Variants in PCM1 observed in about 807,000 individuals in gnomAD.
PCM1 encodes pericentriolar material 1 protein.
PCM1 carries 157 observed loss-of-function variants against 241.9 expected under a neutral mutation model. The observed-to-expected ratio is 0.65, with a 90% CI of 0.57 to 0.74. The LOEUF (loss-of-function observed/expected upper bound fraction) is 0.74, where lower values mean the gene tolerates loss of function less well. Among genes scored for constraint, PCM1 ranks in the 30% least tolerant of loss-of-function variants. The pLI is 0.00. For missense variants in PCM1, 3,478 were observed against 2,360.1 expected (o/e 1.47, Z -9.81); for synonymous variants, 1,085 against 784.9 (o/e 1.38, Z -6.39).
At chr8:18,010,106 A>G (rs1403603020) in intron 31 of PCM1, among the ~76,000 whole-genome samples, 2 of 152,224 alleles carry the variant, frequency 1.3e-5, no homozygotes, top group African/African-American at 2.4e-5. Flanking sequence ...CTTCGAGAAT[A>G]TGCATTACCC....
intron 38 of PCM1, 28 bp downstream of exon 38, chr8:18,025,686 A>G (rs373206515): frequency 1.4e-5 from 18 of 1,276,474 alleles, no homozygotes; most frequent in Middle Eastern, 4.1e-4. Flanking sequence ...AAATCTTGCC[A>G]TATTGAAAAA....
At chr8:17,940,889 A>G (rs2061809984) in intron 6 of PCM1, among the ~76,000 whole-genome samples, 1 of 152,190 alleles carries the variant, frequency 6.6e-6, no homozygotes, top group Non-Finnish European at 1.5e-5. Context: ...AACACCTATT[A>G]CAGGCTAGTA....
At chr8:17,955,804 G>T (rs2068099677) in intron 10 of PCM1, 151 bp downstream of exon 10, 2 of 654,432 alleles carry the variant, frequency 3.1e-6, no homozygotes, top group South Asian at 3.7e-5. Context: ...TGTGTGTGTT[G>T]TGTGGGCATA....
intron 18 of PCM1, among the ~76,000 whole-genome samples, 172 bp from the exon 19 acceptor site, chr8:17,965,827 T>G (rs778465790): frequency 2.0e-5 from 3 of 152,262 alleles, no homozygotes; most frequent in Non-Finnish European, 2.9e-5. Context: ...CTAATAATTG[T>G]ACAAAGCTAA....
At position 17,935,626 on chromosome 8, in the gene PCM1, G is replaced by A; in HGVS notation, c.16G>A (p.Gly6Ser). 1 of 1,522,332 alleles carries A rather than the reference G, an allele frequency of 6.6e-7. No individual in the cohort carries two copies. Among genetic ancestry groups the A allele is most frequent in the Non-Finnish European group, 9.1e-7 (1 of 1,096,894 alleles). The allele number at this position is 1,522,332 out of a possible 1,614,324, so 94.3% of individuals were successfully genotyped here. The change falls in exon 3 of 39, where the codon GGT becomes AGT. Residue 6 changes from glycine (G) to serine (S), a missense_variant. Physicochemically the swap from Gly to Ser is moderately conservative, Grantham distance 56. Coordinates refer to ENST00000325083, the MANE Select transcript of PCM1 (RefSeq NM_006197.4). Reference protein sequence around the residue: MATGGGPFEDGMNDQD... With the variant: MATGGSPFEDGMNDQD... ...TAAATCCAGTATGGCCACAGGAGGA[G>A]GTCCCTTTGAAGATGGCATGAATGA...
rs1291930258 is a variant in PCM1, at chr8:17,939,556, T to A, written c.613-135T>A. On this transcript the variant is annotated intron_variant, in intron 5 of 38. Transcript: ENST00000325083. ...ATTCAGATTTTTTGCATGTGTTAATTCACACAATAATCCAAGTGTCTTTGG... is the reference window on the plus strand; with the variant it reads ...ATTCAGATTTTTTGCATGTGTTAATACACACAATAATCCAAGTGTCTTTGG... 1.1e-5 allele frequency: 5 copies of A among 463,934 alleles called. No homozygotes were observed. The East Asian group carries it at 1.7e-4, about 15-fold the overall frequency. The allele number at this position is 463,934 out of a possible 1,614,324, so 28.7% of individuals were successfully genotyped here. A position where few individuals can be genotyped will look rare whatever the true frequency, so the allele number is the denominator to read the frequency against.
intron 18 of PCM1, 59 bp downstream of exon 18, chr8:17,964,827 A>T: frequency 7.9e-7 from 1 of 1,268,850 alleles, no homozygotes; most frequent in Non-Finnish European, 1.1e-6. Context: ...TTTTTGACTG[A>T]CAGCAAGCAC....
chr8:17,985,313 A>T, intron 24 of PCM1, 134 bp from the exon 25 acceptor site: 1 of 552,950 alleles, frequency 1.8e-6, no homozygotes, highest in Non-Finnish European at 3.1e-6. Flanking sequence ...TTTCTACTTT[A>T]AAAGCTCTGA....
chr8:17,942,015 T>G (rs1168756933), intron 6 of PCM1, among the ~76,000 whole-genome samples: 3 of 152,230 alleles, frequency 2.0e-5, no homozygotes, highest in South Asian at 2.1e-4. Flanking sequence ...TTTTCTACTT[T>G]GTTATATACC....
At chr8:17,947,132 C>G in intron 6 of PCM1, 54 bp from the exon 7 acceptor site, 1 of 1,164,800 alleles carries the variant, frequency 8.6e-7, no homozygotes, top group East Asian at 2.4e-5. Flanking sequence ...ATAATTGAAA[C>G]CGCAACATGG....
chr8:17,957,429 T>C lies in PCM1; in HGVS notation c.1804+8T>C. 1 of 1,610,970 alleles carries C rather than the reference T, an allele frequency of 6.2e-7. No homozygotes were observed. The highest frequency in any genetic ancestry group is 8.5e-7 in the Non-Finnish European group (1 of 1,177,606). On this transcript the variant is annotated splice_region_variant and intron_variant, in intron 12 of 38. Transcript: ENST00000325083. ...ACATGCCTCCTTCTTTAGGTATGAC[T>C]GACTGTATTTACATATAATTTTGCT...
At chr8:17,938,369 T>C (rs1215015505) in intron 4 of PCM1, among the ~76,000 whole-genome samples, 1 of 152,164 alleles carries the variant, frequency 6.6e-6, no homozygotes, top group Non-Finnish European at 1.5e-5. Flanking sequence ...TAGACTCCGG[T>C]CTCTTTCCTA....
At position 18,029,213 on chromosome 8, in the gene PCM1, C is replaced by A. The variant is rs2094399089; in HGVS notation, c.*1551C>A. The A allele has an allele frequency of 5.3e-6, 1 of 188,036 alleles. No homozygotes were observed. Among genetic ancestry groups the A allele is most frequent in the South Asian group, 2.0e-4 (1 of 5,064 alleles). 11.6% of individuals were successfully genotyped at this position (188,036 alleles called of 1,614,324 possible). ...CTTGCTGTATACCTCAGTGTAATGT[C>A]CATTCAAGGAGTATTAAATGAGGAT... On this transcript the variant is annotated 3_prime_UTR_variant, in exon 39 of 39. Coordinates refer to ENST00000325083, the MANE Select transcript of PCM1 (RefSeq NM_006197.4).
At position 17,964,610 on chromosome 8, in the gene PCM1, TGA is replaced by T; in HGVS notation, c.2698_2699del (p.Glu900ArgfsTer4). The T allele has an allele frequency of 6.2e-7, 1 of 1,613,830 alleles. No individual in the cohort carries two copies. Among genetic ancestry groups the T allele is most frequent in the Non-Finnish European group, 8.5e-7 (1 of 1,179,836 alleles). ...GAGGGTCTACCCAGTGTGCACTAGATGAAGAAGGAGATGAAGACGGTTACCTT... is the reference window on the plus strand; with the variant it reads ...GAGGGTCTACCCAGTGTGCACTAGATAGAAGGAGATGAAGACGGTTACCTT... ...WGGSTQCALD[E>X]EGDEDGYLSE... On this transcript the variant is annotated frameshift_variant, in exon 18 of 39. Transcript: ENST00000325083. LOFTEE classifies it high-confidence loss of function.
At chr8:17,987,539 T>G (rs2083017935) in intron 26 of PCM1, among the ~76,000 whole-genome samples, 1 of 151,878 alleles carries the variant, frequency 6.6e-6, no homozygotes, top group Admixed American at 6.6e-5. Context: ...TTAAATGAAA[T>G]TTAAAGATGC....
At chr8:17,991,755 T>C in intron 28 of PCM1, 55 bp downstream of exon 28, 1 of 1,315,344 alleles carries the variant, frequency 7.6e-7, no homozygotes, top group Non-Finnish European at 1.1e-6. Context: ...TTTGGTTACA[T>C]GAATAAGTTC....
At chr8:17,966,892 T>C in intron 20 of PCM1, 88 bp from the exon 21 acceptor site, 4 of 1,239,330 alleles carry the variant, frequency 3.2e-6, no homozygotes, top group Non-Finnish European at 4.5e-6. Flanking sequence ...TGCTTTTGAA[T>C]CATTTTTTTA....
chr8:17,954,027 A>G (rs208756), intron 9 of PCM1, among the ~76,000 whole-genome samples: 13 of 152,158 alleles, frequency 8.5e-5, no homozygotes, highest in Non-Finnish European at 1.8e-4. Context: ...AAGAACCTTA[A>G]TATTCCTGTC....
chr8:17,934,334 T>C (rs1019599115), intron 2 of PCM1, among the ~76,000 whole-genome samples: 7 of 151,914 alleles, frequency 4.6e-5, no homozygotes, highest in Non-Finnish European at 1.0e-4. Flanking sequence ...CAGTCTCGGC[T>C]CACTGCAACC....
Sources: allele counts gnomAD v4.1 joint callset (sites outside exome capture counted in the v4.1 genomes callset), GRCh38; gene constraint gnomAD v4.1.1; transcripts MANE v1.5; gene names NCBI Gene and HGNC (gene_info 2026-07-23, HGNC 2026-07-21).